CD84: variants seen among roughly 807,000 people sequenced by gnomAD.
CD84 encodes the protein CD84 molecule.
In CD84, 22 loss-of-function variants were observed where a neutral mutation model predicts 33.8. The observed-to-expected ratio is 0.65, with a 90% CI of 0.46 to 0.93. The LOEUF is 0.93. CD84 is among the 40% of genes least tolerant of loss of function. CD84 has a pLI of 0.00. For synonymous variants in CD84, 154 were observed against 145.2 expected (o/e 1.06, Z -0.44); for missense variants, 400 against 397.6 (o/e 1.01, Z -0.05).
chr1:160,573,258 G>C (rs1411034566), intron 1 of CD84, among the ~76,000 whole-genome samples: 1 of 152,120 alleles, frequency 6.6e-6, no homozygotes, highest in African/African-American at 2.4e-5. Context: ...TCAAGGCTGG[G>C]CAAGCAAAAC....
At chr1:160,558,940 T>G (rs984991728) in intron 2 of CD84, among the ~76,000 whole-genome samples, 3 of 151,790 alleles carry the variant, frequency 2.0e-5, no homozygotes, top group South Asian at 2.1e-4. Flanking sequence ...GAAAAAAGAA[T>G]GAAAAGGAAT....
At position 160,548,124 on chromosome 1, in the gene CD84, T is replaced by G; in HGVS notation, c.*132A>C. On this transcript the variant is annotated 3_prime_UTR_variant, in exon 7 of 7. Coordinates refer to ENST00000368054, the MANE Select transcript of CD84 (RefSeq NM_003874.4). ...TATGCCCAGCAGAAGGTTTCCTGCT[T>G]TGCTTACAGGCTGAGATGTGGCAGT... is the stretch of plus-strand genomic sequence containing the variant. The G allele has an allele frequency of 1.1e-6, 1 of 905,126 alleles. No homozygotes were observed. 56.1% of individuals were successfully genotyped at this position (905,126 alleles called of 1,614,324 possible).
chr1:160,562,106 T>C (rs1483439617), intron 2 of CD84, among the ~76,000 whole-genome samples: 4 of 152,220 alleles, frequency 2.6e-5, no homozygotes, highest in Admixed American at 6.5e-5. Context: ...AAACATTCCA[T>C]GCTCATGGAT....
chr1:160,569,193 C>G (rs1477990895), intron 1 of CD84, among the ~76,000 whole-genome samples: 2 of 152,200 alleles, frequency 1.3e-5, no homozygotes, highest in Admixed American at 6.5e-5. Flanking sequence ...TATCAAAAGC[C>G]ATTTTTAAGG....
chr1:160,570,835 C>A (rs1657648879), intron 1 of CD84: 1 of 152,212 alleles, frequency 6.6e-6, no homozygotes, highest in South Asian at 2.1e-4. Flanking sequence ...TGCACTCCAG[C>A]CTGGGTGACA....
rs1334829828 is a variant in CD84 at position 160,543,579 on chromosome 1, C to T, written c.*4677G>A. The T allele has an allele frequency of 7.4e-5, 11 of 147,672 alleles. No individual in the cohort carries two copies. The highest frequency in any genetic ancestry group is 1.5e-5 in the Non-Finnish European group (1 of 67,370). 9.1% of individuals were successfully genotyped at this position (147,672 alleles called of 1,614,324 possible). A position where few individuals can be genotyped will look rare whatever the true frequency, so the allele number is the denominator to read the frequency against. Reference sequence around the variant, plus strand: ...TCAATGATTCTTACAGGCTCCCTATCTTCAAGGAGCTCTCCATTATTATTT... The same window carrying T: ...TCAATGATTCTTACAGGCTCCCTATTTTCAAGGAGCTCTCCATTATTATTT... On this transcript the variant is annotated 3_prime_UTR_variant, in exon 7 of 7. Coordinates refer to ENST00000368054, the MANE Select transcript of CD84 (RefSeq NM_003874.4).
At chr1:160,572,224 G>A (rs1483005866) in intron 1 of CD84, among the ~76,000 whole-genome samples, 1 of 152,162 alleles carries the variant, frequency 6.6e-6, no homozygotes, top group East Asian at 1.9e-4. Flanking sequence ...ACACATAGAA[G>A]GTGCTTAATA....
At chr1:160,549,803 G>C in intron 6 of CD84, 114 bp downstream of exon 6, 1 of 827,878 alleles carries the variant, frequency 1.2e-6, no homozygotes, top group South Asian at 1.3e-5. Flanking sequence ...AGTGGGTCCT[G>C]AGAACTACAA....
At position 160,569,457 on chromosome 1, in the gene CD84, T is replaced by C. The variant is rs190087665; in HGVS notation, c.47-3712A>G. Among the ~76,000 whole-genome samples, 292 of 152,168 alleles carry C rather than the reference T, an allele frequency of 1.9e-3. 2 individuals carry two copies. The highest frequency in any genetic ancestry group is 1.8e-3 in the Non-Finnish European group (122 of 68,008). On this transcript the variant is annotated intron_variant, in intron 1 of 6. Transcript: ENST00000368054. ...CCATGAAATGCACTATGCTAGTCTA[T>C]GGCAAAGACAGATTCTCTGCCTTTC...
In CD84 at chr1:160,566,022, T is replaced by C. The variant is rs536647842; in HGVS notation, c.47-277A>G. On this transcript the variant is annotated intron_variant, in intron 1 of 6. Transcript: ENST00000368054. ...ACCTAGACTTACAGACTCTGAAAGC[T>C]AGAAGGCATTTGAGAGGTGAAGGCC... Among the ~76,000 whole-genome samples, 19 of 152,348 alleles carry C rather than the reference T, an allele frequency of 1.2e-4. No homozygotes were observed. The East Asian group carries it at 3.7e-3, about 29-fold the overall frequency.
chr1:160,577,563 C>G (rs1170263524), intron 1 of CD84, among the ~76,000 whole-genome samples: 1 of 152,146 alleles, frequency 6.6e-6, no homozygotes, highest in African/African-American at 2.4e-5. Flanking sequence ...CACCTAAGCT[C>G]AAACTCCCAC....
At position 160,559,273 on chromosome 1, in the gene CD84, A is replaced by G. The variant is rs187950553; in HGVS notation, c.389-5127T>C. Among the ~76,000 whole-genome samples, 3 of 152,376 alleles carry G rather than the reference A, an allele frequency of 2.0e-5. No homozygotes were observed. In the East Asian group the frequency reaches 5.8e-4, roughly 29 times the overall value. On this transcript the variant is annotated intron_variant, in intron 2 of 6. Transcript: ENST00000368054. ...ACAAAGGGAAGCACATCAGACTAAAAGTGTACCTCTCAGTAGAAACTCTAC... is the reference window on the plus strand; with the variant it reads ...ACAAAGGGAAGCACATCAGACTAAAGGTGTACCTCTCAGTAGAAACTCTAC...
rs752621604 is a variant in CD84 at position 160,565,480 on chromosome 1, T to A, written c.312A>T (p.Ala104=). 7 of 1,613,852 alleles carry A rather than the reference T, an allele frequency of 4.3e-6. No individual in the cohort carries two copies. Residue 104 remains alanine, a synonymous_variant, in exon 2 of 7, where the codon GCA becomes GCT. Coordinates refer to ENST00000368054, the MANE Select transcript of CD84 (RefSeq NM_003874.4). ...TATTTATGTCTGCTTTGTAGTCTCC[T>A]GCGTCTTCCATCCTCAGATCGCTAA... ...LVISDLRMED[A]GDYKADINTQ... is the part of the protein sequence containing the mutation.
At chr1:160,556,049 G>T (rs1571356755) in intron 2 of CD84, among the ~76,000 whole-genome samples, 1 of 152,196 alleles carries the variant, frequency 6.6e-6, no homozygotes, top group East Asian at 1.9e-4. Flanking sequence ...AATTTTGTGT[G>T]TGTGCGTGTG....
chr1:160,549,965 C>G lies in CD84; in HGVS notation c.873G>C (p.Lys291Asn). 6.2e-7 allele frequency: 1 copy of G among 1,612,164 alleles called. No individual in the cohort carries two copies. The highest frequency in any genetic ancestry group is 8.5e-7 in the Non-Finnish European group (1 of 1,178,256). ...EILQSKVLPS[K>N]EEPVNTVYSE... ...AATAAACTGTGTTCACTGGCTCTTC[C>G]TTGGAGGGAAGCACCTGTAAAACAC... Residue 291 changes from lysine (K) to asparagine (N), a missense_variant, in exon 6 of 7, where the codon AAG becomes AAC. By Grantham distance (94) the Lys-to-Asn change is moderately conservative. Coordinates refer to ENST00000368054, the MANE Select transcript of CD84 (RefSeq NM_003874.4).
In CD84 at chr1:160,559,589, C is replaced by T. The variant is rs184514381; in HGVS notation, c.389-5443G>A. ...CTACATAAACAAGTCTGCAAAATAA[C>T]CAGCTAGCATAATGATGACACGATC... On this transcript the variant is annotated intron_variant, in intron 2 of 6. Coordinates refer to ENST00000368054, the MANE Select transcript of CD84 (RefSeq NM_003874.4). Among the ~76,000 whole-genome samples, 13 of 152,222 alleles carry T rather than the reference C, an allele frequency of 8.5e-5. No individual in the cohort carries two copies. In the East Asian group the frequency reaches 2.5e-3, roughly 29 times the overall value.
intron 5 of CD84, 89 bp downstream of exon 5, chr1:160,550,849 A>AGAC: frequency 6.3e-7 from 1 of 1,590,200 alleles, no homozygotes; most frequent in African/African-American, 1.4e-5. Context: ...GCTGCTTTCT[A>AGAC]GACAACAACA....
chr1:160,565,783 T>C (rs1426087182), intron 1 of CD84, 38 bp from the exon 2 acceptor site: 7 of 1,479,272 alleles, frequency 4.7e-6, no homozygotes, highest in Non-Finnish European at 6.3e-6. Context: ...CATCTGACTG[T>C]TGCAGCTTTT....
chr1:160,576,832 G>T (rs545501200), intron 1 of CD84, among the ~76,000 whole-genome samples: 1 of 152,284 alleles, frequency 6.6e-6, no homozygotes, highest in East Asian at 1.9e-4. Flanking sequence ...TTAGAGTAAT[G>T]CTGAATATGC....
Sources: gnomAD v4.1 joint callset for allele counts (sites outside exome capture counted in the v4.1 genomes callset) on GRCh38, gnomAD v4.1.1 for gene constraint, MANE v1.5 for transcripts, NCBI Gene and HGNC (gene_info 2026-07-23, HGNC 2026-07-21) for gene names.